The following EPB41L2 variants were observed in gnomAD, a reference collection of about 807,000 sequenced individuals.
EPB41L2 encodes erythrocyte membrane protein band 4.1 like 2.
In EPB41L2, 43 loss-of-function variants were observed where a neutral mutation model predicts 113.0. The ratio of observed to expected loss-of-function variants is 0.38; its 90% CI spans 0.30 to 0.49. The LOEUF (loss-of-function observed/expected upper bound fraction) is 0.49, where lower values mean the gene tolerates loss of function less well. Among genes scored for constraint, EPB41L2 ranks in the 20% least tolerant of loss-of-function variants. EPB41L2 has a pLI of 0.95. For synonymous variants in EPB41L2, 442 were observed against 436.7 expected (o/e 1.01, Z -0.15); for missense variants, 1,147 against 1,223.4 (o/e 0.94, Z 0.93).
intron 1 of EPB41L2, among the ~76,000 whole-genome samples, chr6:130,975,844 T>G (rs1341650285): frequency 1.3e-5 from 2 of 151,946 alleles, no homozygotes; most frequent in Non-Finnish European, 2.9e-5. Flanking sequence ...GCCAACATGG[T>G]AAAACCCCGT....
chr6:130,956,580 A>G (rs1264108095), intron 1 of EPB41L2, 81 bp from the exon 2 acceptor site: 2 of 1,261,030 alleles, frequency 1.6e-6, no homozygotes, highest in East Asian at 4.7e-5. Context: ...CATGGTAAGG[A>G]AAGATGAGAA....
At chr6:130,852,316 C>A (rs955772432) in intron 19 of EPB41L2, among the ~76,000 whole-genome samples, 1 of 152,178 alleles carries the variant, frequency 6.6e-6, no homozygotes, top group Non-Finnish European at 1.5e-5. Context: ...TGCAGACGAT[C>A]CAGAAAACTT....
chr6:131,037,646 T>C (rs1793607832), intron 1 of EPB41L2, among the ~76,000 whole-genome samples: 1 of 147,706 alleles, frequency 6.8e-6, no homozygotes, highest in Non-Finnish European at 1.5e-5. Flanking sequence ...TGGTGTGCAC[T>C]GGTGCAACCT....
chr6:131,042,619 C>G (rs1794669018), intron 1 of EPB41L2, among the ~76,000 whole-genome samples: 1 of 152,166 alleles, frequency 6.6e-6, no homozygotes, highest in African/African-American at 2.4e-5. Flanking sequence ...TCTGATTTCA[C>G]ATCTTCTCAC....
intron 1 of EPB41L2, among the ~76,000 whole-genome samples, chr6:130,961,295 C>T (rs1196592031): frequency 3.9e-5 from 6 of 152,332 alleles, no homozygotes; most frequent in African/African-American, 1.2e-4. Flanking sequence ...TGTTGGCATG[C>T]TCCATCTGGG....
intron 3 of EPB41L2, among the ~76,000 whole-genome samples, chr6:130,940,628 A>G (rs1810497626): frequency 6.6e-6 from 1 of 151,934 alleles, no homozygotes. Context: ...CACCATGCTC[A>G]GTTAATTTTT....
Position 130,885,162 on chromosome 6 carries a change from A to G in EPB41L2, c.1767T>C (p.Asp589=), listed in dbSNP as rs1262695489. 1 of 1,614,108 alleles carries G rather than the reference A, an allele frequency of 6.2e-7. No homozygotes were observed. ...TTCTCACTTCCCTCCTGCCGTCCCC[A>G]TCTTGTACCACGGCAATGCTGACAA... ...PGLVSIAVVQ[D]GDGRREVRSP... Residue 589 remains aspartate, a synonymous_variant, in exon 12 of 20, where the codon GAT becomes GAC. Transcript: ENST00000337057.
chr6:130,897,188 T>A (rs189172299), intron 8 of EPB41L2, among the ~76,000 whole-genome samples: 16 of 151,810 alleles, frequency 1.1e-4, no homozygotes, highest in Admixed American at 9.8e-4. Flanking sequence ...CTCCAACTCA[T>A]CCTAACATGA....
In EPB41L2 at chr6:130,901,034, C is replaced by G; in HGVS notation, c.1076G>C (p.Ser359Thr). Residue 359 changes from serine (S) to threonine (T), a missense_variant, in exon 7 of 20, where the codon AGT (serine) becomes ACT (threonine). Ser to Thr is a moderately conservative substitution (Grantham distance 58, BLOSUM62 1). Coordinates refer to ENST00000337057, the MANE Select transcript of EPB41L2 (RefSeq NM_001431.4). ...CTGAGTAGGGGCAAACTGGAATTCA[C>G]TGAGGTCGATGCTGCCATGTTCTTC... is the stretch of plus-strand genomic sequence containing the variant. ...DPEEHGSIDL[S>T]EFQFAPTQTK... The G allele has an allele frequency of 8.7e-6, 14 of 1,614,166 alleles. No homozygotes were observed. Among genetic ancestry groups the G allele is most frequent in the Non-Finnish European group, 1.2e-5 (14 of 1,180,014 alleles).
chr6:130,886,931 C>A (rs1791209233), intron 11 of EPB41L2, among the ~76,000 whole-genome samples: 2 of 152,180 alleles, frequency 1.3e-5, no homozygotes, highest in South Asian at 4.1e-4. Context: ...CCGTGCCCAG[C>A]CTCCAGCAGT....
At chr6:130,896,838 G>A (rs1484670147) in intron 8 of EPB41L2, among the ~76,000 whole-genome samples, 2 of 152,190 alleles carry the variant, frequency 1.3e-5, no homozygotes, top group African/African-American at 4.8e-5. Flanking sequence ...ATGGGGCAAT[G>A]CATGGAGATG....
At chr6:130,954,271 T>A (rs2128618863) in intron 3 of EPB41L2, among the ~76,000 whole-genome samples, 1 of 152,044 alleles carries the variant, frequency 6.6e-6, no homozygotes, top group East Asian at 1.9e-4. Context: ...GCCAGGATGG[T>A]CTGGATCTCC....
intron 1 of EPB41L2, among the ~76,000 whole-genome samples, chr6:131,002,327 G>A (rs1234705790): frequency 6.6e-6 from 1 of 152,180 alleles, no homozygotes; most frequent in Admixed American, 6.5e-5. Flanking sequence ...CTAGCACTAT[G>A]GAGTCGAGGG....
chr6:130,987,248 C>T (rs1030994531), intron 1 of EPB41L2, among the ~76,000 whole-genome samples: 1 of 152,164 alleles, frequency 6.6e-6, no homozygotes, highest in African/African-American at 2.4e-5. Flanking sequence ...TACTTATGAG[C>T]AGAACTGCTG....
intron 3 of EPB41L2, among the ~76,000 whole-genome samples, chr6:130,950,033 G>A (rs1376299272): frequency 1.3e-5 from 2 of 152,140 alleles, no homozygotes; most frequent in African/African-American, 4.8e-5. Context: ...GTTACATGTG[G>A]GGGCAGTCAA....
intron 1 of EPB41L2, among the ~76,000 whole-genome samples, chr6:131,023,011 AAT>A (rs1297287013): frequency 6.6e-6 from 1 of 152,212 alleles, no homozygotes; most frequent in Non-Finnish European, 1.5e-5. Context: ...GCTTGGCATC[AAT>A]ATATGTTTGT....
chr6:131,030,364 T>A (rs1412610697), intron 1 of EPB41L2, among the ~76,000 whole-genome samples: 1 of 152,214 alleles, frequency 6.6e-6, no homozygotes, highest in Non-Finnish European at 1.5e-5. Flanking sequence ...ACCAATAGGT[T>A]TTTAATGAAA....
chr6:131,024,543 T>C (rs1299194458), intron 1 of EPB41L2, among the ~76,000 whole-genome samples: 1 of 152,200 alleles, frequency 6.6e-6, no homozygotes, highest in Non-Finnish European at 1.5e-5. Context: ...CAAGAGCTAT[T>C]CACCAGCACA....
Position 131,054,593 on chromosome 6 carries a change from C to T in EPB41L2, c.-15+8562G>A, listed in dbSNP as rs7758884. On this transcript the variant is annotated intron_variant, in intron 1 of 19. Transcript: ENST00000337057. ...GGTCTCTTCAGGTCTCTGTTTGTCACTGATAGTCCCTGTTCGGGCGCCACT... is the reference window on the plus strand; with the variant it reads ...GGTCTCTTCAGGTCTCTGTTTGTCATTGATAGTCCCTGTTCGGGCGCCACT... Among the ~76,000 whole-genome samples, 665 of 152,352 alleles carry T rather than the reference C, an allele frequency of 4.4e-3. 8 individuals carry two copies. Among genetic ancestry groups the T allele is most frequent in the African/African-American group, 0.015 (640 of 41,570 alleles).
Sources: allele counts gnomAD v4.1 joint callset (sites outside exome capture counted in the v4.1 genomes callset), GRCh38; gene constraint gnomAD v4.1.1; transcripts MANE v1.5; gene names NCBI Gene and HGNC (gene_info 2026-07-23, HGNC 2026-07-21).